Variants in PTPRG observed in about 807,000 individuals in gnomAD.
The protein encoded by PTPRG is protein tyrosine phosphatase receptor type G.
Under a neutral mutation model 165.3 loss-of-function variants are expected in PTPRG, and 102 were observed. The observed-to-expected ratio is 0.62, with a 90% CI of 0.53 to 0.73. The LOEUF (loss-of-function observed/expected upper bound fraction) is 0.73, where lower values mean the gene tolerates loss of function less well. Ranked by LOEUF, PTPRG falls within the 30% of genes least tolerant of loss-of-function variation. The pLI, the probability that PTPRG is intolerant of heterozygous loss-of-function variation, is 0.00. For missense variants in PTPRG, 1,866 were observed against 1,861.4 expected (o/e 1.00, Z -0.05); for synonymous variants, 675 against 669.5 (o/e 1.01, Z -0.13).
At chr3:61,707,000 A>G (rs1337638826) in intron 1 of PTPRG, among the ~76,000 whole-genome samples, 1 of 152,128 alleles carries the variant, frequency 6.6e-6, no homozygotes, top group African/African-American at 2.4e-5. Context: ...GTATTTTCAT[A>G]TTATTAGCCT....
At chr3:61,982,578 G>A (rs1388444742) in intron 2 of PTPRG, among the ~76,000 whole-genome samples, 2 of 152,074 alleles carry the variant, frequency 1.3e-5, no homozygotes, top group Non-Finnish European at 2.9e-5. Flanking sequence ...ACACCCATGC[G>A]GGCATCACTA....
intron 1 of PTPRG, among the ~76,000 whole-genome samples, chr3:61,651,597 C>T (rs1475046246): frequency 2.6e-5 from 4 of 152,138 alleles, no homozygotes; most frequent in Admixed American, 6.5e-5. Context: ...AAGCAATTTC[C>T]GTGCACCATG....
intron 4 of PTPRG, among the ~76,000 whole-genome samples, chr3:62,025,549 G>A (rs1341977729): frequency 4.6e-5 from 7 of 151,930 alleles, no homozygotes; most frequent in South Asian, 2.1e-4. Flanking sequence ...CTAAGGTTTT[G>A]TTTTGTTGAC....
chr3:61,981,309 T>TG lies in PTPRG; in HGVS notation c.191-8312dup, dbSNP rs542527532. On this transcript the variant is annotated intron_variant, in intron 2 of 29. Transcript: ENST00000474889. ...ACTACAATTTAAGATGACATTTGGA[T>TG]GGGGACATAGCCAAACCATATCACC... 3.9e-5 allele frequency among the ~76,000 whole-genome samples: 6 copies of TG among 152,332 alleles called. No individual in the cohort carries two copies. The East Asian group carries it at 1.2e-3, about 29-fold the overall frequency.
chr3:61,671,158 A>G (rs906671589), intron 1 of PTPRG, among the ~76,000 whole-genome samples: 1 of 112,336 alleles, frequency 8.9e-6, no homozygotes, highest in Non-Finnish European at 1.8e-5. Flanking sequence ...TTTTTTTTTT[A>G]ATTGATCATT....
chr3:62,231,838 AAAAG>A (rs1700910070), intron 14 of PTPRG, among the ~76,000 whole-genome samples: 1 of 151,890 alleles, frequency 6.6e-6, no homozygotes, highest in Non-Finnish European at 1.5e-5. Flanking sequence ...TTTTTTTAAA[AAAAG>A]GAAATGCATA....
intron 4 of PTPRG, among the ~76,000 whole-genome samples, chr3:62,025,751 T>C (rs1309320391): frequency 1.3e-5 from 2 of 152,228 alleles, no homozygotes; most frequent in African/African-American, 2.4e-5. Flanking sequence ...TAAAAAATTA[T>C]CTAGTTTGAA....
intron 8 of PTPRG, among the ~76,000 whole-genome samples, chr3:62,184,146 G>A (rs528172143): frequency 3.3e-5 from 5 of 152,286 alleles, no homozygotes; most frequent in South Asian, 2.1e-4. Flanking sequence ...TCTCGGATTC[G>A]GTTATGCGTT....
At chr3:62,275,796 G>T (rs1702212499) in intron 23 of PTPRG, 77 bp from the exon 24 acceptor site, 2 of 1,053,812 alleles carry the variant, frequency 1.9e-6, no homozygotes, top group Non-Finnish European at 2.8e-6. Flanking sequence ...AATCTGATTG[G>T]GATTTTTGCC....
chr3:61,814,227 T>C (rs1384996274), intron 2 of PTPRG, among the ~76,000 whole-genome samples: 1 of 152,140 alleles, frequency 6.6e-6, no homozygotes, highest in Admixed American at 6.5e-5. Flanking sequence ...AGTGAAGATA[T>C]TGATGGGGAG....
At chr3:61,749,085 G>C (rs539710634) in intron 2 of PTPRG, 103 bp downstream of exon 2, 2 of 958,416 alleles carry the variant, frequency 2.1e-6, no homozygotes, top group Non-Finnish European at 1.6e-6. Flanking sequence ...AGTTCTGTTT[G>C]CTCAAATCTT....
chr3:61,712,593 T>C (rs2106754719), intron 1 of PTPRG, among the ~76,000 whole-genome samples: 1 of 152,238 alleles, frequency 6.6e-6, no homozygotes, highest in South Asian at 2.1e-4. Context: ...TGCTCTCTCT[T>C]CTCCTGCTGC....
At chr3:61,570,072 C>T (rs187226328) in intron 1 of PTPRG, among the ~76,000 whole-genome samples, 26 of 152,280 alleles carry the variant, frequency 1.7e-4, no homozygotes, top group Admixed American at 1.7e-3. Flanking sequence ...ATAGGTTACT[C>T]ATTACTGGGA....
intron 6 of PTPRG, among the ~76,000 whole-genome samples, chr3:62,133,269 G>A (rs940347606): frequency 5.3e-5 from 8 of 152,206 alleles, no homozygotes; most frequent in Admixed American, 2.0e-4. Context: ...CATTACCTAT[G>A]ACATCAAGAT....
chr3:61,688,960 G>C (rs535240408), intron 1 of PTPRG, among the ~76,000 whole-genome samples: 1 of 152,186 alleles, frequency 6.6e-6, no homozygotes, highest in Non-Finnish European at 1.5e-5. Context: ...CCTTTAACTT[G>C]ACAGAGAGGG....
At chr3:62,122,289 T>A (rs1703104099) in intron 5 of PTPRG, among the ~76,000 whole-genome samples, 1 of 152,208 alleles carries the variant, frequency 6.6e-6, no homozygotes, top group Non-Finnish European at 1.5e-5. Context: ...TAGAGGATGA[T>A]GACAAGGAGC....
chr3:62,017,759 G>A (rs960994947), intron 4 of PTPRG, among the ~76,000 whole-genome samples: 1 of 152,294 alleles, frequency 6.6e-6, no homozygotes, highest in Admixed American at 6.5e-5. Context: ...TTCTTCCAGA[G>A]TGTAGCTCTT....
At chr3:62,056,394 T>C (rs1700635530) in intron 4 of PTPRG, among the ~76,000 whole-genome samples, 1 of 152,218 alleles carries the variant, frequency 6.6e-6, no homozygotes, top group African/African-American at 2.4e-5. Flanking sequence ...CACAAATTTG[T>C]AAACTTTCTT....
chr3:61,571,185 T>C (rs1700046367), intron 1 of PTPRG, among the ~76,000 whole-genome samples: 3 of 152,190 alleles, frequency 2.0e-5, no homozygotes, highest in African/African-American at 7.2e-5. Flanking sequence ...GTATGAACCA[T>C]GATTATTTCC....
Sources: allele counts gnomAD v4.1 joint callset (sites outside exome capture counted in the v4.1 genomes callset), GRCh38; gene constraint gnomAD v4.1.1; transcripts MANE v1.5; gene names NCBI Gene and HGNC (gene_info 2026-07-23, HGNC 2026-07-21).